The following HSPA4 variants were observed in gnomAD, a reference collection of about 807,000 sequenced individuals.
HSPA4 encodes heat shock protein family A (Hsp70) member 4, also known as heat shock 70 kDa protein 4.
A neutral mutation model predicts 106.2 loss-of-function variants in HSPA4; 25 were observed. That is an observed-to-expected ratio of 0.24 (90% CI 0.17 to 0.33). The LOEUF is 0.33. HSPA4 is among the 10% of genes least tolerant of loss of function. HSPA4 has a pLI of 1.00. For synonymous variants in HSPA4, 332 were observed against 333.6 expected, an observed-to-expected ratio of 1.00 and a Z score of 0.05; for missense variants, 841 against 996.0, an observed-to-expected ratio of 0.84 and a Z score of 2.10.
At chr5:133,058,249 A>T (rs531688929) in intron 1 of HSPA4, among the ~76,000 whole-genome samples, 1 of 152,006 alleles carries the variant, frequency 6.6e-6, no homozygotes, top group Non-Finnish European at 1.5e-5. Context: ...AAACATTAGC[A>T]GGCTGTGGTG....
chr5:133,094,715 A>G (rs551145577), intron 13 of HSPA4, among the ~76,000 whole-genome samples: 2 of 152,348 alleles, frequency 1.3e-5, no homozygotes, highest in East Asian at 3.9e-4. Context: ...CTCAGAAACT[A>G]AAGTGCCTTT....
In HSPA4 at chr5:133,092,985, A is replaced by AT. The variant is rs537301370; in HGVS notation, c.1650+212dup. On this transcript the variant is annotated intron_variant, in intron 13 of 18. Transcript: ENST00000304858. ...ACAGACGCCCACCACCACGGCAGCT[A>AT]TTTTTTTTTTTTTTTTGTATTTTTT... is the stretch of plus-strand genomic sequence containing the variant. 1.8e-3 allele frequency among the ~76,000 whole-genome samples: 242 copies of AT among 132,038 alleles called. 3 individuals are homozygous for AT. Among genetic ancestry groups the AT allele is most frequent in the East Asian group, 9.6e-3 (43 of 4,494 alleles). 86.6% of individuals were successfully genotyped at this position (132,038 alleles called of 152,430 possible).
intron 3 of HSPA4, among the ~76,000 whole-genome samples, chr5:133,069,821 TTTG>T (rs764257342): frequency 1.5e-4 from 23 of 152,158 alleles, no homozygotes; most frequent in Non-Finnish European, 2.6e-4. Context: ...TGTCTTAAGA[TTTG>T]TTGTTTTACA....
rs746036994 is a variant in HSPA4, at chr5:133,104,067, CTTA to C, written c.2319+48_2319+50del. ...TTTTTAATAGTCTTTTCTTGACAGC[CTTA>C]TTATTAATAGTCCTCAAGTGACACT... On this transcript the variant is annotated intron_variant, in intron 18 of 18. Coordinates refer to ENST00000304858, the MANE Select transcript of HSPA4 (RefSeq NM_002154.4). 4.5e-6 allele frequency: 7 copies of C among 1,539,728 alleles called. No individual in the cohort carries two copies. The African/African-American group carries it at 5.5e-5, about 12-fold the overall frequency.
intron 17 of HSPA4, among the ~76,000 whole-genome samples, chr5:133,103,605 G>T (rs576981213): frequency 1.3e-5 from 2 of 152,208 alleles, no homozygotes; most frequent in African/African-American, 4.8e-5. Flanking sequence ...TATAAATCGG[G>T]TGCTGCTGTT....
rs1765093090 is a variant in HSPA4 at position 133,052,436 on chromosome 5, G to T, written c.107+79G>T. ...TCCAGTCTGGGACCCTCGCTGCTTG[G>T]GGAACGCGGGCCGAGGAGTCGCCTC... On this transcript the variant is annotated intron_variant, in intron 1 of 18. Transcript: ENST00000304858. The T allele has an allele frequency of 1.2e-5, 12 of 1,013,568 alleles. No homozygotes were observed. In the South Asian group the frequency reaches 1.5e-4, roughly 13 times the overall value. The allele number at this position is 1,013,568 out of a possible 1,614,324, so 62.8% of individuals were successfully genotyped here. A position where few individuals can be genotyped will look rare whatever the true frequency, so the allele number is the denominator to read the frequency against.
At chr5:133,100,794 T>A (rs563635652) in intron 16 of HSPA4, among the ~76,000 whole-genome samples, 1 of 152,326 alleles carries the variant, frequency 6.6e-6, no homozygotes, top group South Asian at 2.1e-4. Flanking sequence ...AATTTAGCTC[T>A]GGATTACTTG....
At position 133,086,819 on chromosome 5, in the gene HSPA4, A is replaced by G; in HGVS notation, c.946A>G (p.Arg316Gly). 1 of 1,613,892 alleles carries G rather than the reference A, an allele frequency of 6.2e-7. No homozygotes were observed. The highest frequency in any genetic ancestry group is 8.5e-7 in the Non-Finnish European group (1 of 1,179,832). ...GGAGATGTGCAATGATCTCTTAGCT[A>G]GAGTGGAGCCACCACTTCGTAGTGT... ...FLEMCNDLLA[R>G]VEPPLRSVLE... is the part of the protein sequence containing the mutation. Residue 316 changes from arginine (R) to glycine (G), a missense_variant, in exon 8 of 19, where the codon AGA becomes GGA. Arg to Gly is a moderately radical substitution (Grantham distance 125). Coordinates refer to ENST00000304858, the MANE Select transcript of HSPA4 (RefSeq NM_002154.4).
At chr5:133,083,347 T>G (rs1346988078) in intron 7 of HSPA4, among the ~76,000 whole-genome samples, 1 of 152,074 alleles carries the variant, frequency 6.6e-6, no homozygotes, top group Non-Finnish European at 1.5e-5. Flanking sequence ...TGTTGCCATC[T>G]TCTTAACAAT....
intron 7 of HSPA4, among the ~76,000 whole-genome samples, chr5:133,085,489 T>TTAAAAAAAAAAAAGAAAAAAAAAAAA (rs1554089513): frequency 9.1e-6 from 1 of 110,288 alleles, no homozygotes; most frequent in African/African-American, 5.0e-5. Flanking sequence ...CCATCTCTAC[T>TTAAAAAAAAAAAAGAAAAAAAAAAAA]AAAAAAAAAA....
At chr5:133,090,705 C>T (rs185641905) in intron 11 of HSPA4, among the ~76,000 whole-genome samples, 1 of 152,098 alleles carries the variant, frequency 6.6e-6, no homozygotes, top group South Asian at 2.1e-4. Flanking sequence ...ATCTGTAAAT[C>T]TGTAAAACCA....
intron 7 of HSPA4, among the ~76,000 whole-genome samples, chr5:133,081,666 ATT>A (rs1765516477): frequency 6.6e-6 from 1 of 151,986 alleles, no homozygotes; most frequent in Admixed American, 6.6e-5. Context: ...CCTTCTGTTT[ATT>A]TTGTACAGAG....
chr5:133,102,195 G>A (rs1160170020), intron 17 of HSPA4, among the ~76,000 whole-genome samples: 3 of 152,124 alleles, frequency 2.0e-5, no homozygotes, highest in Non-Finnish European at 2.9e-5. Flanking sequence ...CCAAAGTGCT[G>A]GCTGGTATTA....
At position 133,104,714 on chromosome 5, in the gene HSPA4, C is replaced by T; in HGVS notation, c.*278C>T. The T allele has an allele frequency of 3.0e-6, 1 of 337,598 alleles. No homozygotes were observed. The highest frequency in any genetic ancestry group is 3.7e-5 in the South Asian group (1 of 27,112). The allele number at this position is 337,598 out of a possible 1,614,324, so 20.9% of individuals were successfully genotyped here. On this transcript the variant is annotated 3_prime_UTR_variant, in exon 19 of 19. Transcript: ENST00000304858. ...CACTCCTTTATGTTTAACCATGTGT[C>T]TACAAGAATAAGTTTGTTTTGGAAA...
intron 5 of HSPA4, 49 bp downstream of exon 5, chr5:133,073,378 T>A (rs1232112203): frequency 7.7e-7 from 1 of 1,303,096 alleles, no homozygotes; most frequent in Non-Finnish European, 1.1e-6. Context: ...TCTTGAAGAT[T>A]GTGAAATTTT....
chr5:133,077,955 G>A (rs999127731), intron 7 of HSPA4, among the ~76,000 whole-genome samples: 3 of 152,112 alleles, frequency 2.0e-5, no homozygotes, highest in African/African-American at 4.8e-5. Context: ...TTAGTGAAAT[G>A]TTACGTGTTT....
In HSPA4 at chr5:133,104,682, T is replaced by A; in HGVS notation, c.*246T>A. ...GAAGCCCAGTTAGTCTTACTGAGCT[T>A]ATGCTTCACTCCTTTATGTTTAACC... is the stretch of plus-strand genomic sequence containing the variant. On this transcript the variant is annotated 3_prime_UTR_variant, in exon 19 of 19. Coordinates refer to ENST00000304858, the MANE Select transcript of HSPA4 (RefSeq NM_002154.4). 1 of 456,616 alleles carries A rather than the reference T, an allele frequency of 2.2e-6. No individual in the cohort carries two copies. The highest frequency in any genetic ancestry group is 2.5e-5 in the South Asian group (1 of 40,814). 28.3% of individuals were successfully genotyped at this position (456,616 alleles called of 1,614,324 possible). A position where few individuals can be genotyped will look rare whatever the true frequency, so the allele number is the denominator to read the frequency against.
At chr5:133,060,219 A>G (rs756903092) in intron 1 of HSPA4, among the ~76,000 whole-genome samples, 4 of 152,082 alleles carry the variant, frequency 2.6e-5, no homozygotes, top group African/African-American at 9.7e-5. Context: ...CTAATTTTCT[A>G]CAGTAAACTT....
rs148386295 is a variant in HSPA4 at position 133,097,416 on chromosome 5, A to G, written c.1929+130A>G. The G allele has an allele frequency of 5.7e-4, 376 of 664,242 alleles. No homozygotes were observed. In the African/African-American group the frequency reaches 6.0e-3, roughly 11 times the overall value. 41.1% of individuals were successfully genotyped at this position (664,242 alleles called of 1,614,324 possible). A position where few individuals can be genotyped will look rare whatever the true frequency, so the allele number is the denominator to read the frequency against. ...AAATGGAGTTTTTCTGGGGGGGGCA[A>G]AATTTTATATTTTTTTATATATTTC... is the stretch of plus-strand genomic sequence containing the variant. On this transcript the variant is annotated intron_variant, in intron 15 of 18. Transcript: ENST00000304858.
Sources: allele counts gnomAD v4.1 joint callset (sites outside exome capture counted in the v4.1 genomes callset), GRCh38; gene constraint gnomAD v4.1.1; transcripts MANE v1.5; gene names NCBI Gene and HGNC (gene_info 2026-07-23, HGNC 2026-07-21).